BDNF: variants seen among roughly 807,000 people sequenced by gnomAD.
The protein encoded by BDNF is neurotrophic factor BDNF precursor form.
In BDNF, 1 loss-of-function variant was observed where a neutral mutation model predicts 19.5. The observed-to-expected ratio is 0.05, with a 90% CI of 0.02 to 0.24. BDNF has a LOEUF of 0.24. Ranked by LOEUF, BDNF falls within the 10% of genes least tolerant of loss-of-function variation. The pLI is 1.00. For synonymous variants in BDNF, 100 were observed against 121.6 expected (o/e 0.82, Z 1.17); for missense variants, 195 against 317.6 (o/e 0.61, Z 2.93).
chr11:27,699,205 G>T (rs1223652801), intron 1 of BDNF, among the ~76,000 whole-genome samples: 1 of 127,864 alleles, frequency 7.8e-6, no homozygotes, highest in Non-Finnish European at 1.6e-5. Flanking sequence ...CCTCCACCCC[G>T]GTCCCTCATC....
chr11:27,671,806 A>T (rs1274149627), intron 1 of BDNF, among the ~76,000 whole-genome samples: 1 of 151,910 alleles, frequency 6.6e-6, no homozygotes, highest in African/African-American at 2.4e-5. Flanking sequence ...CCCTCATTCC[A>T]CCTACCCCAC....
At position 27,687,464 on chromosome 11, in the gene BDNF, G is replaced by C. The variant is rs909705918; in HGVS notation, c.-22+12700C>G. Among the ~76,000 whole-genome samples, 26 of 152,204 alleles carry C rather than the reference G, an allele frequency of 1.7e-4. 1 individual carries two copies. Among genetic ancestry groups the C allele is most frequent in the African/African-American group, 6.0e-4 (25 of 41,452 alleles). On this transcript the variant is annotated intron_variant, in intron 1 of 1. Transcript: ENST00000356660. ...TTTGTTCCCTTGCTGGCAAAGAGTT[G>C]TGCTCCCTTGGAGGAGAAGAGGCAT...
intron 1 of BDNF, among the ~76,000 whole-genome samples, chr11:27,696,750 G>C (rs1419612474): frequency 1.3e-5 from 2 of 152,160 alleles, no homozygotes; most frequent in Non-Finnish European, 2.9e-5. Flanking sequence ...CACTTTTGTT[G>C]GATAGGCGAG....
chr11:27,714,206 A>C (rs1860435534), intron 1 of BDNF, among the ~76,000 whole-genome samples: 1 of 152,070 alleles, frequency 6.6e-6, no homozygotes, highest in East Asian at 1.9e-4. Flanking sequence ...AATTATCTCC[A>C]CCAGGCTGAG....
At chr11:27,700,745 G>A (rs1859838122), upstream of BDNF, 3 of 1,187,482 alleles carry the variant, frequency 2.5e-6, no homozygotes, top group Non-Finnish European at 1.1e-6. Context: ...TGGACAGGAC[G>A]CCCGCGGCTT....
chr11:27,702,948 G>A (rs1379834322), upstream of BDNF, among the ~76,000 whole-genome samples: 8 of 152,186 alleles, frequency 5.3e-5, no homozygotes, highest in Admixed American at 2.0e-4. Context: ...ATCAGAATGT[G>A]TGATCATTCA....
At chr11:27,719,706 A>G in intron 1 of BDNF, 1 of 856,732 alleles carries the variant, frequency 1.2e-6, no homozygotes, top group African/African-American at 2.1e-5. Flanking sequence ...AAGAGATAGA[A>G]TGAGGGAGGG....
chr11:27,703,682 T>C (rs908343762), upstream of BDNF, among the ~76,000 whole-genome samples: 9 of 152,218 alleles, frequency 5.9e-5, no homozygotes, highest in Non-Finnish European at 1.2e-4. Context: ...CTTTCCAGTG[T>C]GTGGTGCAGT....
intron 1 of BDNF, among the ~76,000 whole-genome samples, chr11:27,714,521 G>T (rs1022200951): frequency 1.3e-5 from 2 of 152,070 alleles, no homozygotes; most frequent in Non-Finnish European, 2.9e-5. Context: ...AGAAATTTGA[G>T]ATCATTCTCT....
chr11:27,716,887 T>G (rs1370072959), intron 1 of BDNF, among the ~76,000 whole-genome samples: 1 of 152,220 alleles, frequency 6.6e-6, no homozygotes, highest in African/African-American at 2.4e-5. Flanking sequence ...GGTCCCAAAA[T>G]TACAGAATTA....
At position 27,684,153 on chromosome 11, in the gene BDNF, T is replaced by A. The variant is rs545256391; in HGVS notation, c.-22+16011A>T. ...GTAAGTTGTATTCCTAGGCATTTTA[T>A]TCTCTTTGTAGCAATTGTGAATGGG... On this transcript the variant is annotated intron_variant, in intron 1 of 1. Transcript: ENST00000356660. Among the ~76,000 whole-genome samples, 86 of 152,344 alleles carry A rather than the reference T, an allele frequency of 5.6e-4. 2 individuals are homozygous for A. In the South Asian group the frequency reaches 0.017, roughly 30 times the overall value.
intron 1 of BDNF, chr11:27,698,035 T>C (rs1447200110): frequency 6.6e-6 from 1 of 151,878 alleles, no homozygotes; most frequent in Non-Finnish European, 1.5e-5. Flanking sequence ...TTACTACTGG[T>C]CTATATTTAC....
intron 1 of BDNF, among the ~76,000 whole-genome samples, chr11:27,709,172 T>A (rs976922329): frequency 6.6e-6 from 1 of 152,172 alleles, no homozygotes; most frequent in African/African-American, 2.4e-5. Flanking sequence ...GAAAATATAT[T>A]AGTAGCTGTT....
At chr11:27,712,727 C>A (rs1195808388) in intron 1 of BDNF, among the ~76,000 whole-genome samples, 1 of 151,904 alleles carries the variant, frequency 6.6e-6, no homozygotes, top group Non-Finnish European at 1.5e-5. Context: ...GTTGGCCAGG[C>A]TGGTCTGGAA....
At chr11:27,668,900 C>T (rs1854839272) in intron 1 of BDNF, among the ~76,000 whole-genome samples, 1 of 152,198 alleles carries the variant, frequency 6.6e-6, no homozygotes, top group Non-Finnish European at 1.5e-5. Context: ...TCCTCCCTAA[C>T]TCATTTTATG....
At chr11:27,674,970 A>T (rs1345269331) in intron 1 of BDNF, 6 of 865,038 alleles carry the variant, frequency 6.9e-6, no homozygotes, top group Non-Finnish European at 8.3e-6. Context: ...TAATTTGATT[A>T]TCCACCATTT....
chr11:27,719,738 G>A (rs1860676151), intron 1 of BDNF: 1 of 286,480 alleles, frequency 3.5e-6, no homozygotes, highest in Non-Finnish European at 5.2e-6. Context: ...AGGAGGGGGC[G>A]GGGTGGAAGA....
intron 1 of BDNF, among the ~76,000 whole-genome samples, chr11:27,717,712 A>T (rs1451377588): frequency 2.0e-5 from 3 of 152,166 alleles, no homozygotes; most frequent in Non-Finnish European, 4.4e-5. Context: ...CTTCTGACTG[A>T]TTCCAAACAG....
intron 1 of BDNF, among the ~76,000 whole-genome samples, chr11:27,717,797 C>A (rs971266171): frequency 2.0e-5 from 3 of 151,716 alleles, no homozygotes; most frequent in African/African-American, 2.4e-5. Context: ...TCAGGTGCAC[C>A]ATTTTTAAAG....
Sources: allele counts gnomAD v4.1 joint callset (sites outside exome capture counted in the v4.1 genomes callset), GRCh38; gene constraint gnomAD v4.1.1; transcripts MANE v1.5; gene names NCBI Gene and HGNC (gene_info 2026-07-23, HGNC 2026-07-21).